CHID1: variants seen among roughly 807,000 people sequenced by gnomAD.
The protein encoded by CHID1 is chitinase domain-containing protein 1.
In CHID1, 44 loss-of-function variants were observed where a neutral mutation model predicts 55.4. The ratio of observed to expected loss-of-function variants is 0.79; its 90% CI spans 0.62 to 1.02. The LOEUF (loss-of-function observed/expected upper bound fraction) is 1.02. Among genes scored for constraint, CHID1 ranks in the 50% least tolerant of loss-of-function variants. The pLI, the probability that CHID1 is intolerant of heterozygous loss-of-function variation, is 0.00. For missense variants in CHID1, 491 were observed against 515.3 expected, an observed-to-expected ratio of 0.95 and a Z score of 0.46; for synonymous variants, 216 against 212.9, an observed-to-expected ratio of 1.01 and a Z score of -0.13.
intron 8 of CHID1, among the ~76,000 whole-genome samples, chr11:890,425 C>T (rs2134227341): frequency 6.6e-6 from 1 of 152,374 alleles, no homozygotes; most frequent in South Asian, 2.1e-4. Context: ...CGGCCCTGAA[C>T]CACGGGGCTT....
chr11:869,769 A>G lies in CHID1; in HGVS notation c.*89T>C, dbSNP rs963574918. On this transcript the variant is annotated 3_prime_UTR_variant, in exon 13 of 13. Transcript: ENST00000323578. ...AGGACTGCAGCAGACCCGTCACAGC[A>G]AACGGAGTGGAGGCCTGTATTTCAC... 2.5e-6 allele frequency: 3 copies of G among 1,186,648 alleles called. No homozygotes were observed. Among genetic ancestry groups the G allele is most frequent in the African/African-American group, 3.0e-5 (2 of 66,524 alleles). The allele number at this position is 1,186,648 out of a possible 1,614,324, so 73.5% of individuals were successfully genotyped here. A position where few individuals can be genotyped will look rare whatever the true frequency, so the allele number is the denominator to read the frequency against.
chr11:905,809 T>C (rs762482585), intron 1 of CHID1, among the ~76,000 whole-genome samples: 2 of 152,186 alleles, frequency 1.3e-5, no homozygotes, highest in African/African-American at 4.8e-5. Flanking sequence ...TTTCCAGCTA[T>C]ATGAGCAATG....
rs1848991508 is a variant in CHID1 at position 868,648 on chromosome 11, A to G, written c.*1210T>C. On this transcript the variant is annotated 3_prime_UTR_variant, in exon 13 of 13. Transcript: ENST00000323578. The stretch of plus-strand genomic sequence containing the variant: ...AGTGTGGGTGCCTTGGGTCCGACCC[A>G]GGACCCCCTCCCCAGCTCCCGTCCT... 6.6e-6 allele frequency: 1 copy of G among 152,136 alleles called. No homozygotes were observed. The highest frequency in any genetic ancestry group is 1.5e-5 in the Non-Finnish European group (1 of 68,018). The allele number at this position is 152,136 out of a possible 1,614,324, so 9.4% of individuals were successfully genotyped here. A position where few individuals can be genotyped will look rare whatever the true frequency, so the allele number is the denominator to read the frequency against.
In CHID1 at chr11:869,381, G is replaced by A. The variant is rs1849021714; in HGVS notation, c.*477C>T. The A allele has an allele frequency of 1.2e-5, 2 of 170,542 alleles. No individual in the cohort carries two copies. The highest frequency in any genetic ancestry group is 4.8e-5 in the African/African-American group (2 of 41,806). 10.6% of individuals were successfully genotyped at this position (170,542 alleles called of 1,614,324 possible). ...CACACGTGCTGTGGCTGGCCAGGTG[G>A]GTGGCAGGTATGTGGGGGTGGAGCT... On this transcript the variant is annotated 3_prime_UTR_variant, in exon 13 of 13. Coordinates refer to ENST00000323578, the MANE Select transcript of CHID1 (RefSeq NM_023947.4).
rs1225467940 is a variant in CHID1, at chr11:904,711, C to T, written c.106G>A (p.Glu36Lys). The part of the protein sequence containing the change: ...AKKAASKTLL[E>K]KSQFSDKPVQ... ...AGTCCCCAGGCCACCCTTACCTTCT[C>T]CAGCAGCGTCTTTGAGGCGGCTTTT... Residue 36 changes from glutamate (E) to lysine (K), a missense_variant, in exon 2 of 13, where the codon GAG becomes AAG. Transcript: ENST00000323578. The T allele has an allele frequency of 6.2e-7, 1 of 1,614,142 alleles. No homozygotes were observed. Among genetic ancestry groups the T allele is most frequent in the South Asian group, 1.1e-5 (1 of 91,084 alleles).
At chr11:893,855 G>A (rs1272890391) in intron 7 of CHID1, among the ~76,000 whole-genome samples, 1 of 151,876 alleles carries the variant, frequency 6.6e-6, no homozygotes, top group Non-Finnish European at 1.5e-5. Flanking sequence ...AAAAAAGCTG[G>A]GCACGGTGGC....
chr11:870,472 C>A lies in CHID1; in HGVS notation c.987G>T (p.Arg329Ser). ...CCTGGCTGTCCCACACCATCCGGGG[C>A]CTGTGGTCCTTCAGTGTCTGGATGT... ...ARYIQTLKDHRPRMVWDSQAS... is the reference protein window; with the variant it reads ...ARYIQTLKDHSPRMVWDSQAS... Residue 329 changes from arginine to serine, a missense_variant, in exon 11 of 13, where the codon AGG becomes AGT. By Grantham distance (110) the Arg-to-Ser change is moderately radical. Transcript: ENST00000323578. 6.2e-7 allele frequency: 1 copy of A among 1,611,774 alleles called. No individual in the cohort carries two copies.
intron 10 of CHID1, among the ~76,000 whole-genome samples, chr11:873,543 G>C (rs1311697399): frequency 6.6e-6 from 1 of 152,116 alleles, no homozygotes; most frequent in East Asian, 1.9e-4. Context: ...GAAAGTCCGA[G>C]AGTGGGTGCA....
intron 8 of CHID1, among the ~76,000 whole-genome samples, chr11:889,119 C>T (rs755588286): frequency 3.4e-4 from 52 of 152,198 alleles, no homozygotes; most frequent in Non-Finnish European, 5.7e-4. Context: ...CCACGTGGAC[C>T]CCACAGCTGC....
chr11:906,988 A>G (rs1184066552), intron 1 of CHID1, among the ~76,000 whole-genome samples: 1 of 152,200 alleles, frequency 6.6e-6, no homozygotes, highest in African/African-American at 2.4e-5. Context: ...AGATCGCGCA[A>G]TTGCACTCCA....
chr11:884,317 C>G, intron 8 of CHID1, 148 bp from the exon 9 acceptor site: 1 of 623,486 alleles, frequency 1.6e-6, no homozygotes, highest in East Asian at 2.8e-5. Flanking sequence ...CAGCCTGCAG[C>G]TTGGTTGGGG....
upstream of CHID1, chr11:914,462 T>C: frequency 8.4e-7 from 1 of 1,185,086 alleles, no homozygotes; most frequent in South Asian, 1.3e-5. Flanking sequence ...TGAGGAGGCC[T>C]GCAGAGATGA....
At chr11:876,055 G>A (rs1420826171) in intron 10 of CHID1, among the ~76,000 whole-genome samples, 1 of 152,154 alleles carries the variant, frequency 6.6e-6, no homozygotes, top group Non-Finnish European at 1.5e-5. Flanking sequence ...TGAGATTTCA[G>A]CTAGAAAAGC....
In CHID1 at chr11:883,150, G is replaced by A. The variant is rs1359586383; in HGVS notation, c.957C>T (p.Ala319=). The A allele has an allele frequency of 1.2e-6, 2 of 1,609,742 alleles. No individual in the cohort carries two copies. The highest frequency in any genetic ancestry group is 1.7e-6 in the Non-Finnish European group (2 of 1,176,428). ...GGCAGGGAGAGCCCTTGGCTCACCT[G>A]GCCCCGACAACAGGCTCACGGGCAT... ...SKDAREPVVG[A]RYIQTLKDHR... The change falls in exon 10 of 13, where the codon GCC becomes GCT. Residue 319 remains alanine, a splice_region_variant and synonymous_variant. Transcript: ENST00000323578.
chr11:883,377 C>T, intron 9 of CHID1, 74 bp from the exon 10 acceptor site: 1 of 1,429,848 alleles, frequency 7.0e-7, no homozygotes, highest in Non-Finnish European at 9.6e-7. Context: ...GGGCCCTCCA[C>T]TGAGGGGTGC....
At chr11:911,087 G>A (rs1281611946), upstream of CHID1, 2 of 152,116 alleles carry the variant, frequency 1.3e-5, no homozygotes, top group South Asian at 2.1e-4. Flanking sequence ...CAGCGCCACG[G>A]CTCTTAGGCA....
chr11:890,505 C>T (rs928744976), intron 8 of CHID1, among the ~76,000 whole-genome samples: 3 of 152,218 alleles, frequency 2.0e-5, no homozygotes, highest in Non-Finnish European at 1.5e-5. Flanking sequence ...CCGGCAACGG[C>T]GCCAGCAGGG....
intron 9 of CHID1, among the ~76,000 whole-genome samples, 185 bp from the exon 10 acceptor site, chr11:883,488 C>A (rs1023828937): frequency 2.0e-5 from 3 of 152,088 alleles, no homozygotes; most frequent in African/African-American, 7.2e-5. Context: ...AGGGACGTCA[C>A]GTCCAGGGCC....
chr11:900,767 A>C (rs1851744117), intron 5 of CHID1, among the ~76,000 whole-genome samples, 169 bp downstream of exon 5: 1 of 152,186 alleles, frequency 6.6e-6, no homozygotes, highest in Non-Finnish European at 1.5e-5. Context: ...AGCCAGACTA[A>C]GGGCTGTGAA....
Sources: gnomAD v4.1 joint callset for allele counts (sites outside exome capture counted in the v4.1 genomes callset) on GRCh38, gnomAD v4.1.1 for gene constraint, MANE v1.5 for transcripts, NCBI Gene and HGNC (gene_info 2026-07-23, HGNC 2026-07-21) for gene names.